Variants in CEP44 observed in about 807,000 individuals in gnomAD.
CEP44 encodes the protein centrosomal protein 44.
CEP44 carries 45 observed loss-of-function variants against 46.7 expected under a neutral mutation model. The observed-to-expected ratio is 0.96, with a 90% CI of 0.76 to 1.24. The LOEUF is 1.24. Ranked by LOEUF, CEP44 falls within the 50% of genes most tolerant of loss-of-function variation. The probability of loss-of-function intolerance (pLI) is 0.00; values close to 1 mark genes in which losing one functional copy is unlikely to be tolerated. For synonymous variants in CEP44, 142 were observed against 146.0 expected (o/e 0.97, Z 0.20); for missense variants, 475 against 459.7 (o/e 1.03, Z -0.30).
At chr4:174,330,140 G>A (rs187262225) in intron 8 of CEP44, among the ~76,000 whole-genome samples, 9 of 152,076 alleles carry the variant, frequency 5.9e-5, no homozygotes, top group East Asian at 3.9e-4. Flanking sequence ...ATATTTTGAC[G>A]TATCTTATTT....
In CEP44 at chr4:174,314,417, A is replaced by G. The variant is rs1741423506; in HGVS notation, c.962-1749A>G. On this transcript the variant is annotated intron_variant, in intron 9 of 11. Transcript: ENST00000503780. The surrounding 1 kb of genome is among the most constrained non-coding windows in gnomAD (Gnocchi z 4.1). Reference sequence around the variant, plus strand: ...CAGTTAACTGATCTGGCTATTAAATATAGCTGGTGTTCTGTAATGGTCCAC... The same window carrying G: ...CAGTTAACTGATCTGGCTATTAAATGTAGCTGGTGTTCTGTAATGGTCCAC... Among the ~76,000 whole-genome samples the G allele has an allele frequency of 6.6e-6, 1 of 152,240 alleles. No homozygotes were observed. Among genetic ancestry groups the G allele is most frequent in the South Asian group, 2.1e-4 (1 of 4,834 alleles).
At position 174,326,358 on chromosome 4, in the gene CEP44, T is replaced by C. The variant is rs1022007488; in HGVS notation, c.1087-5124T>C. On this transcript the variant is annotated intron_variant, in intron 8 of 8. Coordinates refer to the CEP44 transcript ENST00000426172. This position sits in a 1 kb window ranked among gnomAD's most constrained non-coding sequence, Gnocchi z 4.8. Reference sequence around the variant, plus strand: ...TATATATATTTAACTTAATATAGGCTACCTTCAAATATTATACTACTCATT... The same window carrying C: ...TATATATATTTAACTTAATATAGGCCACCTTCAAATATTATACTACTCATT... 2.6e-5 allele frequency among the ~76,000 whole-genome samples: 4 copies of C among 151,426 alleles called. No homozygotes were observed. The highest frequency in any genetic ancestry group is 2.9e-5 in the Non-Finnish European group (2 of 67,916).
At position 174,325,964 on chromosome 4, in the gene CEP44, A is replaced by G. The variant is rs540179992; in HGVS notation, c.1087-5518A>G. Among the ~76,000 whole-genome samples, 52 of 152,140 alleles carry G rather than the reference A, an allele frequency of 3.4e-4. 1 individual carries two copies. Among genetic ancestry groups the G allele is most frequent in the Middle Eastern group, 6.8e-3 (2 of 294 alleles). On this transcript the variant is annotated intron_variant, in intron 8 of 8. Coordinates refer to the CEP44 transcript ENST00000426172. The surrounding 1 kb of genome is among the most constrained non-coding windows in gnomAD (Gnocchi z 4.4). Reference sequence around the variant, plus strand: ...ACTTTTAATGTATCTGAGTCTGTGCATTTAAAGTGGGTTTCCTGAAGATAA... The same window carrying G: ...ACTTTTAATGTATCTGAGTCTGTGCGTTTAAAGTGGGTTTCCTGAAGATAA...
chr4:174,321,482 G>C (rs1742312444), downstream of CEP44, among the ~76,000 whole-genome samples: 1 of 152,006 alleles, frequency 6.6e-6, no homozygotes, highest in Non-Finnish European at 1.5e-5. Flanking sequence ...CAAATAACTT[G>C]TTTGGTCCTC....
rs1289893287 is a variant in CEP44 at position 174,310,410 on chromosome 4, G to C, written c.885+354G>C. On this transcript the variant is annotated intron_variant, in intron 8 of 11. Coordinates refer to ENST00000503780, the MANE Select transcript of CEP44 (RefSeq NM_001040157.3). This position sits in a 1 kb window ranked among gnomAD's most constrained non-coding sequence, Gnocchi z 4.2. ...ATTTTCATAGGGTAGAAAAGATACA[G>C]AAGATATAGGTAACTCTTCCCATCT... 6.6e-6 allele frequency among the ~76,000 whole-genome samples: 1 copy of C among 151,912 alleles called. No homozygotes were observed. The highest frequency in any genetic ancestry group is 2.4e-5 in the African/African-American group (1 of 41,420).
chr4:174,320,688 GTGTGTGTGTGTGTGTA>G (rs1161023752), downstream of CEP44, among the ~76,000 whole-genome samples: 1 of 134,896 alleles, frequency 7.4e-6, no homozygotes, highest in African/African-American at 3.1e-5. Flanking sequence ...TGTGCTCTGT[GTGTGTGTGTGTGTGTA>G]TGTGTGTGTG....
At chr4:174,302,281 A>G (rs1010879467) in intron 4 of CEP44, 95 bp downstream of exon 4, 15 of 724,796 alleles carry the variant, frequency 2.1e-5, no homozygotes, top group Non-Finnish European at 3.2e-5. Context: ...TGCAGCATAT[A>G]CAATTGACAG....
At position 174,286,960 on chromosome 4, in the gene CEP44, GC is replaced by G. The variant is rs1737647240; in HGVS notation, c.-148+3018del. Among the ~76,000 whole-genome samples, 1 of 152,124 alleles carries G rather than the reference GC, an allele frequency of 6.6e-6. No homozygotes were observed. Among genetic ancestry groups the G allele is most frequent in the Non-Finnish European group, 1.5e-5 (1 of 68,004 alleles). On this transcript the variant is annotated intron_variant, in intron 1 of 11. Transcript: ENST00000503780. This position sits in a 1 kb window ranked among gnomAD's most constrained non-coding sequence, Gnocchi z 5.2. ...GTACCATTTACTCTTTCTGTAAAAA[GC>G]ATAGATATTTTGAATTTCTTGCCTT...
At chr4:174,295,399 G>T (rs1579084273) in intron 1 of CEP44, among the ~76,000 whole-genome samples, 1 of 151,710 alleles carries the variant, frequency 6.6e-6, no homozygotes, top group Admixed American at 6.6e-5. Context: ...GGGCGGCCGG[G>T]CAGAGACGCT....
rs1560900133 is a variant in CEP44, at chr4:174,302,160, T to C, written c.211T>C (p.Leu71=). The change falls in exon 4 of 12, where the codon TTG becomes CTG. Residue 71 remains leucine, a synonymous_variant. Transcript: ENST00000503780. ...SNVELIAKND[L]RFIDAVYKLL... Reference sequence around the variant, plus strand: ...TGTAGAGCTCATAGCAAAAAATGACTTGCGCTTTATAGATGCTGTCTATAA... The same window carrying C: ...TGTAGAGCTCATAGCAAAAAATGACCTGCGCTTTATAGATGCTGTCTATAA... 6.2e-7 allele frequency: 1 copy of C among 1,605,842 alleles called. No homozygotes were observed. The highest frequency in any genetic ancestry group is 8.5e-7 in the Non-Finnish European group (1 of 1,175,804).
rs907214618 is a variant in CEP44, at chr4:174,308,626, A to G, written c.508-63A>G. ...ACATGGACCCCTGAACTTAAAAGTT[A>G]AAAAATAAATAATTGTGGGAGGAAA... On this transcript the variant is annotated intron_variant, in intron 6 of 11. Transcript: ENST00000503780. 8 of 1,515,120 alleles carry G rather than the reference A, an allele frequency of 5.3e-6. No homozygotes were observed. The African/African-American group carries it at 7.0e-5, about 13-fold the overall frequency. 93.9% of individuals were successfully genotyped at this position (1,515,120 alleles called of 1,614,324 possible). A position where few individuals can be genotyped will look rare whatever the true frequency, so the allele number is the denominator to read the frequency against.
intron 2 of CEP44, among the ~76,000 whole-genome samples, chr4:174,298,571 T>A (rs779206628): frequency 2.0e-5 from 3 of 152,228 alleles, no homozygotes; most frequent in Non-Finnish European, 4.4e-5. Context: ...AAGTGAACCC[T>A]GCATTTTTAA....
downstream of CEP44, among the ~76,000 whole-genome samples, chr4:174,322,892 A>G (rs1297174065): frequency 6.6e-6 from 1 of 152,158 alleles, no homozygotes; most frequent in East Asian, 1.9e-4. Context: ...CAAGTTGGTA[A>G]CTTTTAAAAT....
chr4:174,321,046 A>G (rs1560923027), downstream of CEP44, among the ~76,000 whole-genome samples: 1 of 152,134 alleles, frequency 6.6e-6, no homozygotes, highest in Non-Finnish European at 1.5e-5. Flanking sequence ...AAAAGATACT[A>G]CACTAGTGTT....
chr4:174,304,461 A>G, intron 6 of CEP44, 92 bp downstream of exon 6: 1 of 1,495,996 alleles, frequency 6.7e-7, no homozygotes, highest in Non-Finnish European at 8.9e-7. Flanking sequence ...CACCTGATGA[A>G]CATTCTAGTT....
rs1739680173 is a variant in CEP44, at chr4:174,301,315, C to G, written c.90-724C>G. Among the ~76,000 whole-genome samples the G allele has an allele frequency of 6.6e-6, 1 of 152,166 alleles. No individual in the cohort carries two copies. On this transcript the variant is annotated intron_variant, in intron 3 of 11. Coordinates refer to ENST00000503780, the MANE Select transcript of CEP44 (RefSeq NM_001040157.3). This position sits in a 1 kb window ranked among gnomAD's most constrained non-coding sequence, Gnocchi z 4.3. Reference sequence around the variant, plus strand: ...CATTGAGAAAATAAGACAGGAAACACTACCAGACAGATAAAGACACAGCAG... The same window carrying G: ...CATTGAGAAAATAAGACAGGAAACAGTACCAGACAGATAAAGACACAGCAG...
intron 4 of CEP44, among the ~76,000 whole-genome samples, chr4:174,302,523 A>G (rs1739851839): frequency 6.6e-6 from 1 of 152,054 alleles, no homozygotes; most frequent in Non-Finnish European, 1.5e-5. Context: ...TTTTAGAATT[A>G]TATGTTAATT....
intron 4 of CEP44, among the ~76,000 whole-genome samples, chr4:174,302,844 G>A (rs192906421): frequency 3.3e-5 from 5 of 149,274 alleles, no homozygotes; most frequent in East Asian, 2.0e-4. Context: ...GCAGTGTCAC[G>A]ATCTAGGCTC....
chr4:174,318,735 A>AT lies in CEP44; in HGVS notation c.*1360dup. The AT allele has an allele frequency of 2.3e-5, 18 of 784,988 alleles. No individual in the cohort carries two copies. Among genetic ancestry groups the AT allele is most frequent in the Non-Finnish European group, 2.8e-5 (18 of 648,558 alleles). 48.6% of individuals were successfully genotyped at this position (784,988 alleles called of 1,614,324 possible). Reference sequence around the variant, plus strand: ...TGTTATATGAGTAGAAATCACTTAAATTTTTTTTGTGTTTGTGAATTTGAA... The same window carrying AT: ...TGTTATATGAGTAGAAATCACTTAAATTTTTTTTTGTGTTTGTGAATTTGAA... On this transcript the variant is annotated 3_prime_UTR_variant, in exon 12 of 12. Transcript: ENST00000503780.
Sources: allele counts gnomAD v4.1 joint callset (sites outside exome capture counted in the v4.1 genomes callset), GRCh38; gene constraint gnomAD v4.1.1; non-coding constraint Gnocchi (gnomAD v3.1); transcripts MANE v1.5; gene names NCBI Gene and HGNC (gene_info 2026-07-23, HGNC 2026-07-21).